Variants in GRK5 observed in about 807,000 individuals in gnomAD.
The protein encoded by GRK5 is g protein-coupled receptor kinase GRK5.
In GRK5, 40 loss-of-function variants were observed where a neutral mutation model predicts 78.4. The ratio of observed to expected loss-of-function variants is 0.51; its 90% CI spans 0.40 to 0.66. The LOEUF is 0.66. GRK5 is among the 30% of genes least tolerant of loss of function. GRK5 has a pLI of 0.00. For missense variants in GRK5, 598 were observed against 759.9 expected (o/e 0.79, Z 2.50); for synonymous variants, 289 against 296.8 (o/e 0.97, Z 0.27).
At chr10:119,438,643 G>T (rs1852971800) in intron 9 of GRK5, among the ~76,000 whole-genome samples, 1 of 152,090 alleles carries the variant, frequency 6.6e-6, no homozygotes, top group Admixed American at 6.5e-5. Context: ...TTCTTCCGGG[G>T]GAAAGAGAAC....
At chr10:119,318,396 C>T (rs560755002) in intron 1 of GRK5, among the ~76,000 whole-genome samples, 1 of 152,290 alleles carries the variant, frequency 6.6e-6, no homozygotes, top group East Asian at 1.9e-4. Context: ...CAGCAAAGGC[C>T]ATATAAGCAG....
At chr10:119,236,181 C>G (rs1389239479) in intron 1 of GRK5, among the ~76,000 whole-genome samples, 1 of 151,468 alleles carries the variant, frequency 6.6e-6, no homozygotes, top group African/African-American at 2.4e-5. Flanking sequence ...TTCTTATTGT[C>G]TAGCCCAGAG....
rs1238210762 is a variant in GRK5 at position 119,378,694 on chromosome 10, C to T, written c.149-2121C>T. ...GCTGCGCCTCCGTGGGCTCTCGCTG[C>T]GTGGGGGGAAGGCGGTCTCAGCAGC... On this transcript the variant is annotated intron_variant, in intron 2 of 15. Coordinates refer to ENST00000392870, the MANE Select transcript of GRK5 (RefSeq NM_005308.3). The surrounding 1 kb of genome is among the most constrained non-coding windows in gnomAD (Gnocchi z 4.5). Among the ~76,000 whole-genome samples the T allele has an allele frequency of 6.6e-6, 1 of 152,230 alleles. No homozygotes were observed.
intron 2 of GRK5, among the ~76,000 whole-genome samples, chr10:119,342,641 G>A (rs1009697410): frequency 2.0e-5 from 3 of 152,142 alleles, no homozygotes; most frequent in African/African-American, 2.4e-5. Context: ...CTGCTTGGTG[G>A]TTGCCAGGTC....
chr10:119,313,035 G>GTGA (rs1311923736), intron 1 of GRK5, among the ~76,000 whole-genome samples: 14 of 114,260 alleles, frequency 1.2e-4, no homozygotes, highest in African/African-American at 3.6e-4. Flanking sequence ...AATGGCAGTG[G>GTGA]TGATGGTGGT....
chr10:119,258,060 C>T (rs1291409122), intron 1 of GRK5, among the ~76,000 whole-genome samples: 2 of 152,158 alleles, frequency 1.3e-5, no homozygotes, highest in Admixed American at 6.5e-5. Flanking sequence ...CATGTAACTA[C>T]CACCACAATC....
chr10:119,441,435 G>A (rs558971709), intron 10 of GRK5, among the ~76,000 whole-genome samples: 5 of 152,332 alleles, frequency 3.3e-5, no homozygotes, highest in Admixed American at 6.5e-5. Flanking sequence ...TCAGCTCAGC[G>A]TCTCCCGCTC....
At chr10:119,215,313 A>T (rs1297678049) in intron 1 of GRK5, among the ~76,000 whole-genome samples, 1 of 152,174 alleles carries the variant, frequency 6.6e-6, no homozygotes. Flanking sequence ...TCATCGGGAC[A>T]GAGCTTCTCT....
At chr10:119,299,451 A>G (rs2133718691) in intron 1 of GRK5, among the ~76,000 whole-genome samples, 1 of 150,308 alleles carries the variant, frequency 6.7e-6, no homozygotes, top group Non-Finnish European at 1.5e-5. Flanking sequence ...AAAAAAAGTT[A>G]TCTTTCATAC....
chr10:119,353,226 G>A (rs778878121), intron 2 of GRK5, among the ~76,000 whole-genome samples: 2 of 152,140 alleles, frequency 1.3e-5, no homozygotes, highest in Admixed American at 1.3e-4. Context: ...TGAAATGGGA[G>A]CCAGGGGTGG....
chr10:119,390,804 G>C (rs1447422369), intron 3 of GRK5, among the ~76,000 whole-genome samples: 1 of 152,096 alleles, frequency 6.6e-6, no homozygotes, highest in Admixed American at 6.5e-5. Context: ...CCACCACCGG[G>C]TCCTTCCCAC....
chr10:119,278,157 T>C (rs933649075), intron 1 of GRK5, among the ~76,000 whole-genome samples: 13 of 152,194 alleles, frequency 8.5e-5, no homozygotes, highest in Non-Finnish European at 1.8e-4. Context: ...CAAGGAATCG[T>C]TGTTTTTAGA....
At chr10:119,419,559 G>C (rs565964364) in intron 4 of GRK5, among the ~76,000 whole-genome samples, 1 of 152,322 alleles carries the variant, frequency 6.6e-6, no homozygotes, top group East Asian at 1.9e-4. Context: ...CGAGCCAGTG[G>C]TTATAAAGCC....
intron 4 of GRK5, among the ~76,000 whole-genome samples, chr10:119,417,880 T>C (rs1349131333): frequency 6.6e-6 from 1 of 152,164 alleles, no homozygotes; most frequent in Non-Finnish European, 1.5e-5. Flanking sequence ...TGCCCTGTGG[T>C]GCCCAGAAAA....
intron 2 of GRK5, among the ~76,000 whole-genome samples, chr10:119,370,937 C>T (rs1436640634): frequency 6.6e-6 from 1 of 151,844 alleles, no homozygotes; most frequent in African/African-American, 2.4e-5. Context: ...GAGATGGTTC[C>T]AGGCATCCCT....
intron 2 of GRK5, among the ~76,000 whole-genome samples, chr10:119,357,160 A>G (rs933342366): frequency 6.6e-6 from 1 of 152,260 alleles, no homozygotes; most frequent in Non-Finnish European, 1.5e-5. Flanking sequence ...TGATCTGGAA[A>G]TGGTGTTTTT....
intron 2 of GRK5, among the ~76,000 whole-genome samples, chr10:119,370,118 G>T (rs1851523650): frequency 6.6e-6 from 1 of 152,124 alleles, no homozygotes; most frequent in Non-Finnish European, 1.5e-5. Context: ...CATCTGATGG[G>T]TTCAAGCCAG....
In GRK5 at chr10:119,442,028, G is replaced by T; in HGVS notation, c.997G>T (p.Ala333Ser). The change falls in exon 11 of 16, where the codon GCT becomes TCT. Residue 333 changes from alanine to serine, a missense_variant. Physicochemically the swap from Ala to Ser is moderately conservative, Grantham distance 99. Transcript: ENST00000392870. ...CATTAGGATCTCAGACCTGGGCTTG[G>T]CTGTGAAGATCCCCGAGGGAGACCT... Reference protein sequence around the residue: ...GHIRISDLGLAVKIPEGDLIR... With the variant: ...GHIRISDLGLSVKIPEGDLIR... The T allele has an allele frequency of 6.2e-7, 1 of 1,614,010 alleles. No homozygotes were observed. Among genetic ancestry groups the T allele is most frequent in the Non-Finnish European group, 8.5e-7 (1 of 1,179,930 alleles).
chr10:119,418,838 C>T (rs1261705671), intron 4 of GRK5, among the ~76,000 whole-genome samples: 2 of 152,188 alleles, frequency 1.3e-5, no homozygotes, highest in Non-Finnish European at 2.9e-5. Context: ...TACCAACGAG[C>T]ACCACCAAGA....
Sources: allele counts gnomAD v4.1 joint callset (sites outside exome capture counted in the v4.1 genomes callset), GRCh38; gene constraint gnomAD v4.1.1; non-coding constraint Gnocchi (gnomAD v3.1); transcripts MANE v1.5; gene names NCBI Gene and HGNC (gene_info 2026-07-23, HGNC 2026-07-21).